Variants in TNR observed in about 807,000 individuals in gnomAD.
TNR encodes tenascin R, also known as tenascin-R.
In TNR, 45 loss-of-function variants were observed where a neutral mutation model predicts 150.4. That is an observed-to-expected ratio of 0.30 (90% CI 0.24 to 0.38). TNR has a LOEUF of 0.38. TNR is among the 10% of genes least tolerant of loss of function. The pLI, the probability that TNR is intolerant of heterozygous loss-of-function variation, is 1.00. For missense variants in TNR, 1,544 were observed against 1,759.1 expected (o/e 0.88, Z 2.19); for synonymous variants, 687 against 678.4 (o/e 1.01, Z -0.20).
At chr1:175,409,717 AG>A (rs566870381) in intron 2 of TNR, among the ~76,000 whole-genome samples, 2 of 152,228 alleles carry the variant, frequency 1.3e-5, no homozygotes, top group East Asian at 1.9e-4. Flanking sequence ...GAGAGGGAAA[AG>A]TTTAGCATTT....
At chr1:175,659,489 A>T (rs1665295399) in intron 1 of TNR, among the ~76,000 whole-genome samples, 1 of 152,182 alleles carries the variant, frequency 6.6e-6, no homozygotes, top group Non-Finnish European at 1.5e-5. Flanking sequence ...GCTCCACTTC[A>T]TTCTTGCTTG....
At chr1:175,447,395 C>T (rs768155673) in intron 2 of TNR, among the ~76,000 whole-genome samples, 35 of 152,150 alleles carry the variant, frequency 2.3e-4, no homozygotes, top group Admixed American at 1.2e-3. Context: ...GGGTGGGCAG[C>T]GGGAAGGAGG....
chr1:175,472,622 G>A (rs1167805443), intron 2 of TNR, among the ~76,000 whole-genome samples: 1 of 152,126 alleles, frequency 6.6e-6, no homozygotes, highest in Non-Finnish European at 1.5e-5. Flanking sequence ...TAATCGTATG[G>A]GACCACTGTC....
intron 1 of TNR, among the ~76,000 whole-genome samples, chr1:175,592,476 G>A (rs10913025): frequency 0.14 from 21,683 of 152,240 alleles, 2,153 homozygotes; most frequent in African/African-American, 0.27. Context: ...CAGCCCCTGC[G>A]GGAGCCTGAC....
chr1:175,581,977 C>A (rs540922286), intron 1 of TNR, among the ~76,000 whole-genome samples: 10 of 152,246 alleles, frequency 6.6e-5, no homozygotes, highest in African/African-American at 2.4e-4. Flanking sequence ...CAATCAAATC[C>A]TGCAGGCCAG....
At chr1:175,447,449 C>T (rs6697834) in intron 2 of TNR, among the ~76,000 whole-genome samples, 39,455 of 152,116 alleles carry the variant, frequency 0.26, 5,418 homozygotes, top group East Asian at 0.46. Flanking sequence ...GCCTTCTTCC[C>T]GGCCCTTGTT....
intron 1 of TNR, among the ~76,000 whole-genome samples, chr1:175,713,369 G>T (rs1180675619): frequency 6.6e-6 from 1 of 152,010 alleles, no homozygotes; most frequent in Non-Finnish European, 1.5e-5. Flanking sequence ...CCCATTTATC[G>T]GGCATACTTG....
In TNR at chr1:175,599,751, G is replaced by A. The variant is rs1663161856; in HGVS notation, c.-164-71382C>T. On this transcript the variant is annotated intron_variant, in intron 1 of 22. Transcript: ENST00000367674. The surrounding 1 kb of genome is among the most constrained non-coding windows in gnomAD (Gnocchi z 4.7). ...GGCTTTTCGTGAGACCCATTGGCGG[G>A]TTCCCTGCCACCAATATGCAGTCTC... Among the ~76,000 whole-genome samples, 1 of 152,264 alleles carries A rather than the reference G, an allele frequency of 6.6e-6. No individual in the cohort carries two copies. The highest frequency in any genetic ancestry group is 2.1e-4 in the South Asian group (1 of 4,830).
intron 18 of TNR, among the ~76,000 whole-genome samples, chr1:175,341,029 G>C (rs770562821): frequency 3.3e-5 from 5 of 152,122 alleles, no homozygotes; most frequent in Admixed American, 6.5e-5. Flanking sequence ...AGTATTTATT[G>C]TTTTGTTCTG....
At chr1:175,374,687 T>G (rs1344793832) in intron 9 of TNR, among the ~76,000 whole-genome samples, 1 of 152,218 alleles carries the variant, frequency 6.6e-6, no homozygotes, top group Non-Finnish European at 1.5e-5. Flanking sequence ...ATTTTTCAGC[T>G]TGTCAACTGG....
intron 1 of TNR, among the ~76,000 whole-genome samples, chr1:175,675,892 G>A (rs953482843): frequency 6.6e-6 from 1 of 152,152 alleles, no homozygotes; most frequent in African/African-American, 2.4e-5. Flanking sequence ...AATGAAAGAT[G>A]CCCTGGAAAC....
Position 175,406,253 on chromosome 1 carries a change from C to T in TNR, c.462G>A (p.Gln154=). Residue 154 remains glutamine, a synonymous_variant, in exon 3 of 23, where the codon CAG becomes CAA. Transcript: ENST00000367674. ...TTTCTTGGCAGCAGTTGGCGTTGCA[C>T]TGGTCTCGCAGCACCGACACCTCCC... The part of the protein sequence containing the change: ...LEREVSVLRD[Q]CNANCCQESA... The T allele has an allele frequency of 6.2e-7, 1 of 1,614,174 alleles. No individual in the cohort carries two copies. The highest frequency in any genetic ancestry group is 8.5e-7 in the Non-Finnish European group (1 of 1,180,022).
At chr1:175,620,693 C>G (rs1197328951) in intron 1 of TNR, among the ~76,000 whole-genome samples, 3 of 152,160 alleles carry the variant, frequency 2.0e-5, no homozygotes, top group Non-Finnish European at 2.9e-5. Context: ...TGAATTTAGT[C>G]ACACCAGTCA....
intron 1 of TNR, among the ~76,000 whole-genome samples, chr1:175,533,578 A>C (rs531516988): frequency 2.6e-5 from 4 of 152,218 alleles, no homozygotes; most frequent in Non-Finnish European, 5.9e-5. Flanking sequence ...AGAGACGCTG[A>C]AGTTCTTTCA....
intron 1 of TNR, among the ~76,000 whole-genome samples, chr1:175,565,301 C>A (rs1306483633): frequency 6.6e-6 from 1 of 152,178 alleles, no homozygotes; most frequent in Non-Finnish European, 1.5e-5. Context: ...CCCATCCCCA[C>A]CAGAGGTGAC....
intron 1 of TNR, among the ~76,000 whole-genome samples, chr1:175,625,861 A>C (rs929021046): frequency 3.3e-5 from 5 of 152,156 alleles, no homozygotes; most frequent in African/African-American, 1.2e-4. Context: ...AATGATATCA[A>C]ACCAAACAAG....
At chr1:175,677,028 G>GAGAT (rs1381221347) in intron 1 of TNR, among the ~76,000 whole-genome samples, 1 of 152,216 alleles carries the variant, frequency 6.6e-6, no homozygotes, top group East Asian at 1.9e-4. Flanking sequence ...AGAAGTAGCC[G>GAGAT]AGATAGGATT....
Position 175,336,722 on chromosome 1 carries a change from G to A in TNR, c.3534+806C>T, listed in dbSNP as rs146580319. 8.3e-4 allele frequency among the ~76,000 whole-genome samples: 127 copies of A among 152,318 alleles called. 2 individuals carry two copies. The highest frequency in any genetic ancestry group is 2.9e-3 in the African/African-American group (121 of 41,568). ...CCCTGAAGGCTGTGTCAGCTCTGGGGAAGAACCAGGGAGACCCCAGGAAGA... is the reference window on the plus strand; with the variant it reads ...CCCTGAAGGCTGTGTCAGCTCTGGGAAAGAACCAGGGAGACCCCAGGAAGA... On this transcript the variant is annotated intron_variant, in intron 19 of 22. Transcript: ENST00000367674.
intron 1 of TNR, among the ~76,000 whole-genome samples, chr1:175,728,746 G>T (rs1667546675): frequency 1.3e-5 from 2 of 152,162 alleles, no homozygotes; most frequent in Admixed American, 1.3e-4. Flanking sequence ...GGCCTTTGAG[G>T]AAGCAACTGA....
Sources: allele counts gnomAD v4.1 joint callset (sites outside exome capture counted in the v4.1 genomes callset), GRCh38; gene constraint gnomAD v4.1.1; non-coding constraint Gnocchi (gnomAD v3.1); transcripts MANE v1.5; gene names NCBI Gene and HGNC (gene_info 2026-07-23, HGNC 2026-07-21).